Variants in ABCC1 observed in about 807,000 individuals in gnomAD.
ABCC1 encodes the protein multidrug resistance-associated protein 1.
ABCC1 carries 83 observed loss-of-function variants against 172.9 expected under a neutral mutation model. That is an observed-to-expected ratio of 0.48 (90% CI 0.40 to 0.58). The LOEUF (loss-of-function observed/expected upper bound fraction) is 0.58. ABCC1 is among the 20% of genes least tolerant of loss of function. The probability of loss-of-function intolerance (pLI) is 0.00; values close to 1 mark genes in which losing one functional copy is unlikely to be tolerated. For synonymous variants in ABCC1, 937 were observed against 825.2 expected (o/e 1.14, Z -2.32); for missense variants, 1,817 against 2,002.7 (o/e 0.91, Z 1.77).
In ABCC1 at chr16:16,016,516, T is replaced by C. The variant is rs767417639; in HGVS notation, c.510T>C (p.Phe170=). ...ALKEDAQVDL[F]RDITFYVYFS... Reference sequence around the variant, plus strand: ...TGTAGGATGCCCAGGTGGACCTGTTTCGTGACATCACTTTCTACGTCTACT... The same window carrying C: ...TGTAGGATGCCCAGGTGGACCTGTTCCGTGACATCACTTTCTACGTCTACT... The change falls in exon 5 of 31, where the codon TTT becomes TTC. Residue 170 remains phenylalanine, a synonymous_variant. Transcript: ENST00000399410. 6 of 1,614,056 alleles carry C rather than the reference T, an allele frequency of 3.7e-6. No homozygotes were observed. The highest frequency in any genetic ancestry group is 1.1e-5 in the South Asian group (1 of 91,084).
intron 23 of ABCC1, among the ~76,000 whole-genome samples, chr16:16,117,716 A>C (rs1190766616): frequency 6.6e-6 from 1 of 152,108 alleles, no homozygotes; most frequent in African/African-American, 2.4e-5. Context: ...GAGCAGCCTG[A>C]CCAATATGGT....
chr16:16,060,640 G>GC (rs1567359818), intron 12 of ABCC1, among the ~76,000 whole-genome samples: 14 of 151,934 alleles, frequency 9.2e-5, no homozygotes, highest in Admixed American at 5.9e-4. Flanking sequence ...TCCTGCCTCA[G>GC]TCCCCCGACT....
At chr16:16,003,087 G>A (rs542805261) in intron 1 of ABCC1, among the ~76,000 whole-genome samples, 95 of 152,338 alleles carry the variant, frequency 6.2e-4, no homozygotes, top group Non-Finnish European at 1.1e-3. Context: ...TGGATAGTTG[G>A]TTGGGTAGAT....
intron 1 of ABCC1, among the ~76,000 whole-genome samples, chr16:15,977,958 TTG>T (rs2046530180): frequency 2.0e-5 from 3 of 152,190 alleles, no homozygotes; most frequent in African/African-American, 7.2e-5. Context: ...CTTGGGCAAG[TTG>T]CTTTACTTCT....
At position 16,016,633 on chromosome 16, in the gene ABCC1, C is replaced by T; in HGVS notation, c.615+12C>T. On this transcript the variant is annotated intron_variant, in intron 5 of 30. Transcript: ENST00000399410. Reference sequence around the variant, plus strand: ...CCATCCACGACCCTGTAAGTGTGACCACAGATGAGTGTGTGTGCGTGTGTG... The same window carrying T: ...CCATCCACGACCCTGTAAGTGTGACTACAGATGAGTGTGTGTGCGTGTGTG... 5.0e-6 allele frequency: 8 copies of T among 1,614,020 alleles called. No individual in the cohort carries two copies. The highest frequency in any genetic ancestry group is 5.1e-6 in the Non-Finnish European group (6 of 1,179,966).
chr16:15,995,762 G>T (rs1404364482), intron 1 of ABCC1, among the ~76,000 whole-genome samples: 1 of 151,978 alleles, frequency 6.6e-6, no homozygotes, highest in Non-Finnish European at 1.5e-5. Flanking sequence ...CGAACTCCTG[G>T]GCTCAAGGGA....
chr16:16,026,489 G>A (rs1416785400), intron 5 of ABCC1, among the ~76,000 whole-genome samples: 1 of 11,184 alleles, frequency 8.9e-5, no homozygotes, highest in African/African-American at 2.4e-4. Context: ...TTTTTTTTTT[G>A]CCAGTGAAGG....
At chr16:16,074,145 T>G (rs2050463120) in intron 14 of ABCC1, among the ~76,000 whole-genome samples, 1 of 152,136 alleles carries the variant, frequency 6.6e-6, no homozygotes, top group African/African-American at 2.4e-5. Context: ...GGTTGGGGAC[T>G]GTCCTGTGCA....
In ABCC1 at chr16:15,982,824, A is replaced by AAAAAAAAAAAAAAAAT. The variant is rs2046655505; in HGVS notation, c.49-24992_49-24991insAAAAAAAAAAAAAAAT. Among the ~76,000 whole-genome samples the AAAAAAAAAAAAAAAAT allele has an allele frequency of 1.2e-4, 17 of 144,738 alleles. 1 individual carries two copies. Among genetic ancestry groups the AAAAAAAAAAAAAAAAT allele is most frequent in the Admixed American group, 3.5e-4 (5 of 14,440 alleles). The allele number at this position is 144,738 out of a possible 152,430, so 95.0% of individuals were successfully genotyped here. Reference sequence around the variant, plus strand: ...CTGTCAAAAAAAAAAAAAAAAAAAAAGGAAATCCATTCTTAGCCTGTGTGC... The same window carrying AAAAAAAAAAAAAAAAT: ...CTGTCAAAAAAAAAAAAAAAAAAAAAAAAAAAAAAAAAAAATGGAAATCCATTCTTAGCCTGTGTGC... On this transcript the variant is annotated intron_variant, in intron 1 of 30. Transcript: ENST00000399410.
chr16:16,024,678 C>T (rs1402888579), intron 5 of ABCC1, among the ~76,000 whole-genome samples: 1 of 152,146 alleles, frequency 6.6e-6, no homozygotes, highest in Non-Finnish European at 1.5e-5. Flanking sequence ...TTTAACCCTA[C>T]TGTGGTGGGA....
intron 19 of ABCC1, among the ~76,000 whole-genome samples, chr16:16,091,998 G>A (rs1004247211): frequency 6.6e-6 from 1 of 152,240 alleles, no homozygotes; most frequent in Non-Finnish European, 1.5e-5. Flanking sequence ...AGCACTGTGG[G>A]AGGCTGACAC....
chr16:16,126,165 A>C (rs781711341), intron 26 of ABCC1, among the ~76,000 whole-genome samples: 1 of 152,158 alleles, frequency 6.6e-6, no homozygotes, highest in Non-Finnish European at 1.5e-5. Flanking sequence ...GGGCATTCAG[A>C]AGGTATTCAC....
rs145363796 is a variant in ABCC1 at position 16,057,827 on chromosome 16, G to A, written c.1677+1532G>A. Among the ~76,000 whole-genome samples, 405 of 152,194 alleles carry A rather than the reference G, an allele frequency of 2.7e-3. 4 individuals carry two copies. Among genetic ancestry groups the A allele is most frequent in the African/African-American group, 8.7e-3 (362 of 41,534 alleles). ...GTCTCGCTCTGTCCCCCAGGCTGGA[G>A]TACTGTGGTGCGATCATAGCTCACT... On this transcript the variant is annotated intron_variant, in intron 12 of 30. Coordinates refer to ENST00000399410, the MANE Select transcript of ABCC1 (RefSeq NM_004996.4).
intron 1 of ABCC1, among the ~76,000 whole-genome samples, chr16:15,987,814 C>T (rs2046775317): frequency 6.6e-6 from 1 of 152,216 alleles, no homozygotes; most frequent in Non-Finnish European, 1.5e-5. Context: ...ATTCTTCAGA[C>T]CTGTTGGCCT....
intron 1 of ABCC1, among the ~76,000 whole-genome samples, chr16:15,968,569 G>A (rs1307391511): frequency 1.3e-5 from 2 of 151,812 alleles, no homozygotes; most frequent in East Asian, 3.9e-4. Context: ...TAGAGATGGG[G>A]TTTTACCATT....
intron 12 of ABCC1, chr16:16,056,701 G>C (rs1463240794): frequency 4.7e-6 from 1 of 212,884 alleles, no homozygotes; most frequent in Non-Finnish European, 9.5e-6. Context: ...ATGTCAGCAA[G>C]GCCTTCCCTG....
In ABCC1 at chr16:16,016,523, A is replaced by G; in HGVS notation, c.517A>G (p.Ile173Val). 1 of 1,614,030 alleles carries G rather than the reference A, an allele frequency of 6.2e-7. No individual in the cohort carries two copies. The highest frequency in any genetic ancestry group is 8.5e-7 in the Non-Finnish European group (1 of 1,179,996). The change falls in exon 5 of 31, where the codon ATC becomes GTC. Residue 173 changes from isoleucine (I) to valine (V), a missense_variant. This residue lies in a region of ABCC1 where 398 missense variants were observed against 384.2 expected (regional missense o/e 1.04). Transcript: ENST00000399410. Reference protein sequence around the residue: ...EDAQVDLFRDITFYVYFSLLL... With the variant: ...EDAQVDLFRDVTFYVYFSLLL... ...TGCCCAGGTGGACCTGTTTCGTGAC[A>G]TCACTTTCTACGTCTACTTTTCCCT... is the stretch of plus-strand genomic sequence containing the variant.
intron 24 of ABCC1, among the ~76,000 whole-genome samples, chr16:16,123,510 G>A (rs1250555825): frequency 6.6e-6 from 1 of 151,882 alleles, no homozygotes. Flanking sequence ...GATGGTGGGT[G>A]CCTGTACTTG....
chr16:16,106,904 G>A (rs1458137181), intron 21 of ABCC1, 31 bp downstream of exon 21: 2 of 1,613,290 alleles, frequency 1.2e-6, no homozygotes, highest in Middle Eastern at 1.7e-4. Flanking sequence ...GATGACAGTG[G>A]CTGGAGTTTA....
Sources: gnomAD v4.1 joint callset for allele counts (sites outside exome capture counted in the v4.1 genomes callset) on GRCh38, gnomAD v4.1.1 for gene constraint, gnomAD v4.1.1 regional missense constraint, MANE v1.5 for transcripts, NCBI Gene and HGNC (gene_info 2026-07-23, HGNC 2026-07-21) for gene names.